The following FGF12 variants were observed in gnomAD, a reference collection of about 807,000 sequenced individuals.
The protein encoded by FGF12 is fibroblast growth factor 12, also known as fibroblast growth factor 12B.
A neutral mutation model predicts 23.6 loss-of-function variants in FGF12; 14 were observed. The observed-to-expected ratio is 0.59, with a 90% CI of 0.39 to 0.93. The LOEUF (loss-of-function observed/expected upper bound fraction) is 0.93, where lower values mean the gene tolerates loss of function less well. Among genes scored for constraint, FGF12 ranks in the 40% least tolerant of loss-of-function variants. The pLI, the probability that FGF12 is intolerant of heterozygous loss-of-function variation, is 0.00. For synonymous variants in FGF12, 62 were observed against 77.3 expected (o/e 0.80, Z 1.04); for missense variants, 175 against 217.8 (o/e 0.80, Z 1.24).
At chr3:192,539,384 A>C (rs1006444217) in intron 2 of FGF12, among the ~76,000 whole-genome samples, 1 of 152,178 alleles carries the variant, frequency 6.6e-6, no homozygotes, top group Non-Finnish European at 1.5e-5. Context: ...ATTTTTCAGC[A>C]TCAATTGAAA....
At chr3:192,522,337 T>C (rs1411138358) in intron 2 of FGF12, among the ~76,000 whole-genome samples, 2 of 152,162 alleles carry the variant, frequency 1.3e-5, no homozygotes, top group African/African-American at 4.8e-5. Flanking sequence ...AGATAGAAGA[T>C]ATAACTTACT....
At chr3:192,513,355 T>C (rs1724552510) in intron 2 of FGF12, among the ~76,000 whole-genome samples, 1 of 152,170 alleles carries the variant, frequency 6.6e-6, no homozygotes, top group African/African-American at 2.4e-5. Flanking sequence ...CCGAACTGCA[T>C]GGAAGTAAAA....
intron 2 of FGF12, among the ~76,000 whole-genome samples, chr3:192,613,510 G>A (rs999538770): frequency 3.3e-5 from 5 of 151,742 alleles, no homozygotes; most frequent in African/African-American, 4.8e-5. Flanking sequence ...ATCTAGGTTC[G>A]GAGAACATGT....
chr3:192,318,157 G>A (rs1472772763), intron 4 of FGF12, among the ~76,000 whole-genome samples: 4 of 152,106 alleles, frequency 2.6e-5, no homozygotes, highest in Non-Finnish European at 5.9e-5. Context: ...AGACTGCAAA[G>A]ACTACAAGAA....
chr3:192,260,205 T>G (rs987867757), intron 4 of FGF12, among the ~76,000 whole-genome samples: 1 of 151,978 alleles, frequency 6.6e-6, no homozygotes, highest in Non-Finnish European at 1.5e-5. Flanking sequence ...CTTGACAAAC[T>G]ACAAGATACC....
intron 4 of FGF12, chr3:192,267,067 T>A (rs113306725): frequency 1.3e-5 from 2 of 152,196 alleles, no homozygotes; most frequent in Admixed American, 6.6e-5. Context: ...TTCGATTACA[T>A]GAAATCTAAA....
chr3:192,553,943 C>T (rs930550339), intron 2 of FGF12, among the ~76,000 whole-genome samples: 2 of 152,204 alleles, frequency 1.3e-5, no homozygotes, highest in African/African-American at 4.8e-5. Context: ...ATACCCTTCC[C>T]CTCTGGCTCA....
chr3:192,510,993 T>A (rs1235532073), intron 2 of FGF12, among the ~76,000 whole-genome samples: 1 of 152,130 alleles, frequency 6.6e-6, no homozygotes, highest in Non-Finnish European at 1.5e-5. Flanking sequence ...GTATGTGTTT[T>A]TTATAGGATC....
chr3:192,392,357 C>T (rs1040697720), intron 2 of FGF12, among the ~76,000 whole-genome samples: 25 of 151,424 alleles, frequency 1.7e-4, no homozygotes, highest in East Asian at 3.9e-4. Context: ...TCCCTGAGGT[C>T]GGGAGTTCGA....
intron 5 of FGF12, among the ~76,000 whole-genome samples, chr3:192,158,380 TTCTTTTC>T (rs1714607754): frequency 8.6e-6 from 1 of 116,784 alleles, no homozygotes; most frequent in African/African-American, 3.7e-5. Flanking sequence ...CTTTCTTTCT[TTCTTTTC>T]TTTCTCTCTC....
intron 2 of FGF12, among the ~76,000 whole-genome samples, chr3:192,529,252 T>A (rs1174978264): frequency 6.6e-6 from 1 of 152,178 alleles, no homozygotes; most frequent in East Asian, 1.9e-4. Context: ...TCTCTAAAGT[T>A]CAAAGTTCCA....
chr3:192,425,528 A>C (rs1445754648), intron 2 of FGF12, among the ~76,000 whole-genome samples: 1 of 152,250 alleles, frequency 6.6e-6, no homozygotes, highest in African/African-American at 2.4e-5. Context: ...GTCTACTATC[A>C]TTTCTCATAT....
chr3:192,312,181 C>T (rs992259374), intron 4 of FGF12, among the ~76,000 whole-genome samples: 5 of 151,984 alleles, frequency 3.3e-5, no homozygotes, highest in Admixed American at 6.6e-5. Context: ...TTCAACATAT[C>T]GATTCTTCTT....
chr3:192,296,700 G>A (rs1435197373), intron 4 of FGF12, among the ~76,000 whole-genome samples: 1 of 151,984 alleles, frequency 6.6e-6, no homozygotes, highest in Non-Finnish European at 1.5e-5. Context: ...TGAGTTTAAT[G>A]CACATAAGTA....
At chr3:192,146,455 G>C (rs957752377) in intron 5 of FGF12, among the ~76,000 whole-genome samples, 1 of 151,970 alleles carries the variant, frequency 6.6e-6, no homozygotes, top group Non-Finnish European at 1.5e-5. Flanking sequence ...ATTTTTAGCA[G>C]AGATGGGGTT....
chr3:192,252,496 AAAGAG>A (rs1199416957), intron 4 of FGF12, among the ~76,000 whole-genome samples: 2 of 147,816 alleles, frequency 1.4e-5, no homozygotes, highest in Admixed American at 6.8e-5. Flanking sequence ...AAAAAAAAGA[AAAGAG>A]AAGAGAAGAC....
intron 2 of FGF12, among the ~76,000 whole-genome samples, chr3:192,405,098 C>G (rs1720908821): frequency 6.7e-6 from 1 of 150,208 alleles, no homozygotes; most frequent in Non-Finnish European, 1.5e-5. Flanking sequence ...AGATAAATTA[C>G]AAACTTGCAA....
chr3:192,225,357 G>C (rs1001624305), intron 4 of FGF12, among the ~76,000 whole-genome samples: 1 of 151,724 alleles, frequency 6.6e-6, no homozygotes, highest in Admixed American at 6.6e-5. Context: ...TAATCATCTC[G>C]TCTTTGATTT....
chr3:192,618,150 C>T (rs2108645363), intron 2 of FGF12, among the ~76,000 whole-genome samples: 1 of 151,806 alleles, frequency 6.6e-6, no homozygotes, highest in South Asian at 2.1e-4. Context: ...GAAGTGACAG[C>T]CAAGGTCCTT....
Sources: allele counts gnomAD v4.1 joint callset (sites outside exome capture counted in the v4.1 genomes callset), GRCh38; gene constraint gnomAD v4.1.1; transcripts MANE v1.5; gene names NCBI Gene and HGNC (gene_info 2026-07-23, HGNC 2026-07-21).